Variants in RNF41 observed in about 807,000 individuals in gnomAD.
RNF41 encodes the protein ring finger protein 41.
A neutral mutation model predicts 33.0 loss-of-function variants in RNF41; 4 were observed. The observed-to-expected ratio is 0.12, with a 90% CI of 0.06 to 0.28. The LOEUF is 0.28. Among genes scored for constraint, RNF41 ranks in the 10% least tolerant of loss-of-function variants. RNF41 has a pLI of 1.00. For missense variants in RNF41, 228 were observed against 432.6 expected (o/e 0.53, Z 4.19); for synonymous variants, 164 against 153.2 (o/e 1.07, Z -0.52).
rs1392719627 is a variant in RNF41, at chr12:56,203,969, T to A, written c.*2478A>T. On this transcript the variant is annotated 3_prime_UTR_variant, in exon 7 of 7. Coordinates refer to ENST00000345093, the MANE Select transcript of RNF41 (RefSeq NM_005785.4). Reference sequence around the variant, plus strand: ...ATCCACCCACCTCGGCCTCCCAAAGTGCTGGGATTACAGGCGTGAGCCACC... The same window carrying A: ...ATCCACCCACCTCGGCCTCCCAAAGAGCTGGGATTACAGGCGTGAGCCACC... The A allele has an allele frequency of 6.6e-6, 1 of 151,876 alleles. No homozygotes were observed. Among genetic ancestry groups the A allele is most frequent in the Non-Finnish European group, 1.5e-5 (1 of 67,990 alleles). 9.4% of individuals were successfully genotyped at this position (151,876 alleles called of 1,614,324 possible).
chr12:56,210,200 C>G (rs1868376701), intron 4 of RNF41, 97 bp downstream of exon 4: 6 of 1,381,734 alleles, frequency 4.3e-6, no homozygotes, highest in Non-Finnish European at 6.0e-6. Context: ...GCCAACATGC[C>G]AAAGAGACCT....
intron 1 of RNF41, among the ~76,000 whole-genome samples, chr12:56,216,950 C>G (rs1401824085): frequency 1.3e-5 from 2 of 151,710 alleles, no homozygotes; most frequent in Non-Finnish European, 2.9e-5. Flanking sequence ...ACCGTCCTGG[C>G]TAACACGGTG....
rs1025172399 is a variant in RNF41, at chr12:56,202,710, T to C, written c.*3737A>G. ...CACTTAGCACATTTATGATCCCTTATTATATATTCATCTCCATTAGGGACT... is the reference window on the plus strand; with the variant it reads ...CACTTAGCACATTTATGATCCCTTACTATATATTCATCTCCATTAGGGACT... On this transcript the variant is annotated 3_prime_UTR_variant, in exon 7 of 7. Transcript: ENST00000345093. 6.6e-6 allele frequency: 1 copy of C among 152,186 alleles called. No homozygotes were observed. The allele number at this position is 152,186 out of a possible 1,614,324, so 9.4% of individuals were successfully genotyped here.
chr12:56,218,700 T>C (rs950263608), intron 1 of RNF41, among the ~76,000 whole-genome samples: 3 of 148,620 alleles, frequency 2.0e-5, no homozygotes, highest in African/African-American at 7.3e-5. Context: ...ATTTATTATA[T>C]ATATATATGT....
intron 5 of RNF41, 73 bp downstream of exon 5, chr12:56,208,090 G>C: frequency 6.4e-7 from 1 of 1,569,812 alleles, no homozygotes; most frequent in South Asian, 1.1e-5. Context: ...GTTCACAACT[G>C]GTTTTTATTA....
chr12:56,221,291 G>A (rs1869401444), intron 1 of RNF41, among the ~76,000 whole-genome samples: 1 of 152,146 alleles, frequency 6.6e-6, no homozygotes, highest in South Asian at 2.1e-4. Flanking sequence ...GAGGGGGTGA[G>A]GAGCGGGGAA....
intron 3 of RNF41, chr12:56,213,062 C>A: frequency 3.9e-6 from 5 of 1,289,712 alleles, no homozygotes; most frequent in Non-Finnish European, 4.0e-6. Context: ...TCTGGCAAGG[C>A]TGGCAGAGAA....
intron 1 of RNF41, among the ~76,000 whole-genome samples, chr12:56,219,047 G>A (rs1394789175): frequency 6.6e-6 from 1 of 150,950 alleles, no homozygotes; most frequent in East Asian, 2.0e-4. Flanking sequence ...CTGTCGCTCA[G>A]GATGGAGTGC....
intron 1 of RNF41, among the ~76,000 whole-genome samples, chr12:56,218,386 C>T (rs1869067420): frequency 6.6e-6 from 1 of 151,736 alleles, no homozygotes; most frequent in Admixed American, 6.6e-5. Flanking sequence ...CCTCAGTCTC[C>T]CAAATAGCTG....
intron 2 of RNF41, among the ~76,000 whole-genome samples, chr12:56,215,779 C>T (rs575761624): frequency 2.7e-5 from 4 of 150,580 alleles, no homozygotes; most frequent in Admixed American, 6.6e-5. Context: ...GCGGCAATGG[C>T]GCCATGCCCC....
chr12:56,214,948 C>T (rs1010642310), intron 2 of RNF41, among the ~76,000 whole-genome samples: 2 of 152,138 alleles, frequency 1.3e-5, no homozygotes, highest in African/African-American at 4.8e-5. Context: ...GGACAAGAGA[C>T]ATGAATACCT....
chr12:56,219,087 C>T (rs1214914212), intron 1 of RNF41, among the ~76,000 whole-genome samples: 1 of 151,932 alleles, frequency 6.6e-6, no homozygotes, highest in Non-Finnish European at 1.5e-5. Context: ...CTCACTCCAA[C>T]CTCCACTTCC....
At position 56,206,160 on chromosome 12, in the gene RNF41, GAACCAGGGACCCT is replaced by G; in HGVS notation, c.*274_*286del. 1 of 367,562 alleles carries G rather than the reference GAACCAGGGACCCT, an allele frequency of 2.7e-6. No homozygotes were observed. The highest frequency in any genetic ancestry group is 4.5e-5 in the South Asian group (1 of 22,070). The allele number at this position is 367,562 out of a possible 1,614,324, so 22.8% of individuals were successfully genotyped here. A position where few individuals can be genotyped will look rare whatever the true frequency, so the allele number is the denominator to read the frequency against. ...TCTTTGTGCTTTCTGAAAATAACTGGAACCAGGGACCCTAAGCAGGAAAATGGATGGAGGTGGG... is the reference window on the plus strand; with the variant it reads ...TCTTTGTGCTTTCTGAAAATAACTGGAAGCAGGAAAATGGATGGAGGTGGG... On this transcript the variant is annotated 3_prime_UTR_variant, in exon 7 of 7. Coordinates refer to ENST00000345093, the MANE Select transcript of RNF41 (RefSeq NM_005785.4). This position sits in a 1 kb window ranked among gnomAD's most constrained non-coding sequence, Gnocchi z 5.7.
In RNF41 at chr12:56,205,124, T is replaced by C. The variant is rs1878787950; in HGVS notation, c.*1323A>G. On this transcript the variant is annotated 3_prime_UTR_variant, in exon 7 of 7. Coordinates refer to ENST00000345093, the MANE Select transcript of RNF41 (RefSeq NM_005785.4). ...CCCAGCTATACAGCTCCAAGGAAAC[T>C]TGGGGAAGGGGGAGTTGCCTTCAAA... is the stretch of plus-strand genomic sequence containing the variant. 1 of 152,144 alleles carries C rather than the reference T, an allele frequency of 6.6e-6. No homozygotes were observed. Among genetic ancestry groups the C allele is most frequent in the Non-Finnish European group, 1.5e-5 (1 of 68,028 alleles). The allele number at this position is 152,144 out of a possible 1,614,324, so 9.4% of individuals were successfully genotyped here.
At chr12:56,207,169 G>A in intron 6 of RNF41, 1 of 1,323,342 alleles carries the variant, frequency 7.6e-7, no homozygotes, top group Non-Finnish European at 9.9e-7. Flanking sequence ...CACACTTACA[G>A]TTTACTCTAT....
intron 3 of RNF41, among the ~76,000 whole-genome samples, chr12:56,213,617 AG>A (rs1170805742): frequency 1.3e-5 from 2 of 152,196 alleles, no homozygotes; most frequent in Non-Finnish European, 2.9e-5. Context: ...AATCACGGAC[AG>A]GAAGATGGAA....
rs547882843 is a variant in RNF41, at chr12:56,210,195, C to T, written c.362+102G>A. On this transcript the variant is annotated intron_variant, in intron 4 of 6. Coordinates refer to ENST00000345093, the MANE Select transcript of RNF41 (RefSeq NM_005785.4). ...GGAGGCTAAGAATACTCCTTGCCAACATGCCAAAGAGACCTCCTCAGCTAG... is the reference window on the plus strand; with the variant it reads ...GGAGGCTAAGAATACTCCTTGCCAATATGCCAAAGAGACCTCCTCAGCTAG... The T allele has an allele frequency of 1.0e-4, 135 of 1,299,056 alleles. No homozygotes were observed. In the African/African-American group the frequency reaches 1.8e-3, roughly 17 times the overall value. 80.5% of individuals were successfully genotyped at this position (1,299,056 alleles called of 1,614,324 possible). A position where few individuals can be genotyped will look rare whatever the true frequency, so the allele number is the denominator to read the frequency against.
chr12:56,211,747 C>T (rs1052910164), intron 3 of RNF41, among the ~76,000 whole-genome samples: 3 of 151,900 alleles, frequency 2.0e-5, no homozygotes, highest in African/African-American at 4.8e-5. Flanking sequence ...CTGAGGTGGG[C>T]GGATAATGAG....
chr12:56,210,588 A>G lies in RNF41; in HGVS notation c.91-20T>C, dbSNP rs1027040346. On this transcript the variant is annotated intron_variant, in intron 3 of 6. Coordinates refer to ENST00000345093, the MANE Select transcript of RNF41 (RefSeq NM_005785.4). The stretch of plus-strand genomic sequence containing the variant: ...AGGTGCCTAGAAGAGAGAACAAGGC[A>G]AAAGGGGCGCAAGGGAATTAGCAGG... 1 of 1,606,160 alleles carries G rather than the reference A, an allele frequency of 6.2e-7. No individual in the cohort carries two copies. The highest frequency in any genetic ancestry group is 1.7e-5 in the Admixed American group (1 of 59,768).
Sources: gnomAD v4.1 joint callset for allele counts (sites outside exome capture counted in the v4.1 genomes callset) on GRCh38, gnomAD v4.1.1 for gene constraint, Gnocchi (gnomAD v3.1) non-coding constraint, MANE v1.5 for transcripts, NCBI Gene and HGNC (gene_info 2026-07-23, HGNC 2026-07-21) for gene names.